The following DEFB135 variants were observed in gnomAD, a reference collection of about 807,000 sequenced individuals.
The protein encoded by DEFB135 is defensin beta 135, also known as beta-defensin 135.
Under a neutral mutation model 8.9 loss-of-function variants are expected in DEFB135, and 14 were observed. That is an observed-to-expected ratio of 1.58 (90% CI 1.04 to 2.47). The LOEUF (loss-of-function observed/expected upper bound fraction) is 2.47, where lower values mean the gene tolerates loss of function less well. DEFB135 is among the 30% of genes most tolerant of loss of function. The probability of loss-of-function intolerance (pLI) is 0.00; values close to 1 mark genes in which losing one functional copy is unlikely to be tolerated. For synonymous variants in DEFB135, 51 were observed against 34.5 expected (o/e 1.48, Z -1.67); for missense variants, 135 against 94.2 (o/e 1.43, Z -1.79).
Position 11,982,328 on chromosome 8 carries a change from CA to C in DEFB135, c.10del (p.Arg4GlyfsTer46), listed in dbSNP as rs757854541. On this transcript the variant is annotated frameshift_variant, in exon 1 of 2. Transcript: ENST00000382208. LOFTEE classifies it high-confidence loss of function. MA[T>X]RSVLLALVVL... ...GCTTCTTTGCTGATTGGTATGGCCA[CA>C]AGGAGCGTCCTCTTGGCCCTCGTGG... 1.9e-6 allele frequency: 3 copies of C among 1,614,052 alleles called. No homozygotes were observed. The highest frequency in any genetic ancestry group is 1.7e-5 in the Admixed American group (1 of 60,006).
chr8:11,983,457 T>C (rs958140753), intron 1 of DEFB135, among the ~76,000 whole-genome samples: 7 of 152,266 alleles, frequency 4.6e-5, no homozygotes, highest in East Asian at 3.9e-4. Flanking sequence ...GTTGAGATGA[T>C]GGCTGATGTC....
chr8:11,983,112 G>A (rs1407776196), intron 1 of DEFB135, among the ~76,000 whole-genome samples: 1 of 152,204 alleles, frequency 6.6e-6, no homozygotes, highest in East Asian at 1.9e-4. Context: ...ACAGATATGA[G>A]GCTGGGCGCG....
In DEFB135 at chr8:11,983,244, T is replaced by G. The variant is rs185029722; in HGVS notation, c.64+860T>G. ...ACCCGTCTCTACTAAAAATACAAAA[T>G]TAGCCGGGCATGGTGGCGCATGCCT... On this transcript the variant is annotated intron_variant, in intron 1 of 1. Coordinates refer to ENST00000382208, the MANE Select transcript of DEFB135 (RefSeq NM_001033017.3). Among the ~76,000 whole-genome samples the G allele has an allele frequency of 7.4e-3, 1,131 of 152,012 alleles. 11 individuals carry two copies. The highest frequency in any genetic ancestry group is 0.011 in the Non-Finnish European group (766 of 67,980).
At chr8:11,982,666 G>T (rs925406915) in intron 1 of DEFB135, among the ~76,000 whole-genome samples, 3 of 152,362 alleles carry the variant, frequency 2.0e-5, no homozygotes, top group Middle Eastern at 3.4e-3. Context: ...ACTGGCAGAA[G>T]TAGGGCAGAG....
At chr8:11,984,304 G>A (rs2150552583) in intron 1 of DEFB135, 117 bp from the exon 2 acceptor site, 1 of 790,962 alleles carries the variant, frequency 1.3e-6, no homozygotes, top group Admixed American at 3.4e-5. Flanking sequence ...GAGTATCTTT[G>A]ATCGCGTCTA....
intron 1 of DEFB135, 63 bp downstream of exon 1, chr8:11,982,447 T>G: frequency 1.3e-6 from 2 of 1,585,942 alleles, no homozygotes; most frequent in Non-Finnish European, 1.7e-6. Context: ...TGTGAGGTTC[T>G]ACAAGAGTGA....
chr8:11,984,294 G>C (rs1799806723), intron 1 of DEFB135, 127 bp from the exon 2 acceptor site: 2 of 700,480 alleles, frequency 2.9e-6, no homozygotes, highest in Non-Finnish European at 4.2e-6. Flanking sequence ...AAAATGTCTT[G>C]AGTATCTTTG....
At chr8:11,982,449 C>G in intron 1 of DEFB135, 65 bp downstream of exon 1, 3 of 1,582,090 alleles carry the variant, frequency 1.9e-6, no homozygotes, top group South Asian at 2.2e-5. Context: ...TGAGGTTCTA[C>G]AAGAGTGAGA....
chr8:11,984,340 T>C (rs561025362), intron 1 of DEFB135, 81 bp from the exon 2 acceptor site: 19 of 1,127,196 alleles, frequency 1.7e-5, no homozygotes, highest in East Asian at 5.5e-5. Context: ...GTGAAAACTA[T>C]GGTCTGAGGT....
Position 11,984,413 on chromosome 8 carries a change from C to T in DEFB135, c.65-8C>T. ...TAACTGTGCATTAACCTTTGTTTCT[C>T]TTGGCAGGTAGAAGTGGACCCAATG... is the stretch of plus-strand genomic sequence containing the variant. On this transcript the variant is annotated splice_polypyrimidine_tract_variant and splice_region_variant and intron_variant, in intron 1 of 1. Coordinates refer to ENST00000382208, the MANE Select transcript of DEFB135 (RefSeq NM_001033017.3). 6.6e-7 allele frequency: 1 copy of T among 1,521,438 alleles called. No homozygotes were observed. Among genetic ancestry groups the T allele is most frequent in the East Asian group, 2.3e-5 (1 of 43,078 alleles). 94.2% of individuals were successfully genotyped at this position (1,521,438 alleles called of 1,614,324 possible).
intron 1 of DEFB135, 118 bp from the exon 2 acceptor site, chr8:11,984,303 T>C: frequency 1.3e-6 from 1 of 787,740 alleles, no homozygotes. Context: ...TGAGTATCTT[T>C]GATCGCGTCT....
chr8:11,984,339 A>G lies in DEFB135; in HGVS notation c.65-82A>G, dbSNP rs148938498. 2.9e-3 allele frequency: 3,230 copies of G among 1,125,486 alleles called. 7 individuals carry two copies. Among genetic ancestry groups the G allele is most frequent in the Admixed American group, 3.9e-3 (134 of 34,510 alleles). 69.7% of individuals were successfully genotyped at this position (1,125,486 alleles called of 1,614,324 possible). A position where few individuals can be genotyped will look rare whatever the true frequency, so the allele number is the denominator to read the frequency against. On this transcript the variant is annotated intron_variant, in intron 1 of 1. Transcript: ENST00000382208. ...AATTCATTATTAAAAAGTGAAAACT[A>G]TGGTCTGAGGTCTAATTTTATCCAT... is the stretch of plus-strand genomic sequence containing the variant.
At chr8:11,984,307 C>T (rs552691028) in intron 1 of DEFB135, 114 bp from the exon 2 acceptor site, 42 of 795,206 alleles carry the variant, frequency 5.3e-5, no homozygotes, top group Non-Finnish European at 7.0e-5. Flanking sequence ...TATCTTTGAT[C>T]GCGTCTAATT....
chr8:11,984,550 G>A lies in DEFB135; in HGVS notation c.194G>A (p.Cys65Tyr), dbSNP rs1225912994. ...TTGTGTGATACTATACATTTGTGCTGTGTAAACCCAAAATATTTACCTATA... is the reference window on the plus strand; with the variant it reads ...TTGTGTGATACTATACATTTGTGCTATGTAAACCCAAAATATTTACCTATA... ...RILCDTIHLCCVNPKYLPILT... is the reference protein window; with the variant it reads ...RILCDTIHLCYVNPKYLPILT... Residue 65 changes from cysteine to tyrosine, a missense_variant, in exon 2 of 2, where the codon TGT (cysteine) becomes TAT (tyrosine). By Grantham distance (194) the Cys-to-Tyr change is radical (BLOSUM62 -2). Transcript: ENST00000382208. The A allele has an allele frequency of 6.5e-7, 1 of 1,547,362 alleles. No homozygotes were observed. The highest frequency in any genetic ancestry group is 8.8e-7 in the Non-Finnish European group (1 of 1,134,666).
At chr8:11,984,146 A>C (rs964726673) in intron 1 of DEFB135, among the ~76,000 whole-genome samples, 2 of 152,160 alleles carry the variant, frequency 1.3e-5, no homozygotes, top group African/African-American at 4.8e-5. Flanking sequence ...CAATAGTCTC[A>C]AGCTGAATAT....
rs7004833 is a variant in DEFB135, at chr8:11,982,502, A to G, written c.64+118A>G. On this transcript the variant is annotated intron_variant, in intron 1 of 1. Transcript: ENST00000382208. ...CAAAGGAAGCTGCAACAGGGAGGAAAGTGAGCAGAGATGGACATGCTGGGC... is the reference window on the plus strand; with the variant it reads ...CAAAGGAAGCTGCAACAGGGAGGAAGGTGAGCAGAGATGGACATGCTGGGC... 0.078 allele frequency: 86,577 copies of G among 1,108,822 alleles called. 7,896 individuals are homozygous for G. Among genetic ancestry groups the G allele is most frequent in the African/African-American group, 0.43 (27,961 of 65,302 alleles). 68.7% of individuals were successfully genotyped at this position (1,108,822 alleles called of 1,614,324 possible).
chr8:11,983,775 C>G (rs1447531867), intron 1 of DEFB135, among the ~76,000 whole-genome samples: 1 of 152,122 alleles, frequency 6.6e-6, no homozygotes, highest in Non-Finnish European at 1.5e-5. Flanking sequence ...TTTCCAGAGG[C>G]TCCCAGTTCT....
At position 11,982,355 on chromosome 8, in the gene DEFB135, T is replaced by C. The variant is rs756860694; in HGVS notation, c.35T>C (p.Val12Ala). The C allele has an allele frequency of 6.2e-7, 1 of 1,614,156 alleles. No individual in the cohort carries two copies. Among genetic ancestry groups the C allele is most frequent in the Non-Finnish European group, 8.5e-7 (1 of 1,180,034 alleles). The change falls in exon 1 of 2, where the codon GTC becomes GCC. Residue 12 changes from valine to alanine, a missense_variant. Coordinates refer to ENST00000382208, the MANE Select transcript of DEFB135 (RefSeq NM_001033017.3). ...AGGAGCGTCCTCTTGGCCCTCGTGG[T>C]CCTTAACTTACTCTTCTATGTTCCA... ...ATRSVLLALV[V>A]LNLLFYVPPG...
intron 1 of DEFB135, among the ~76,000 whole-genome samples, chr8:11,983,550 G>A (rs1799784150): frequency 6.6e-6 from 1 of 152,138 alleles, no homozygotes; most frequent in Non-Finnish European, 1.5e-5. Context: ...GGTCTAGGGA[G>A]CACATGGTGG....
Sources: gnomAD v4.1 joint callset for allele counts (sites outside exome capture counted in the v4.1 genomes callset) on GRCh38, gnomAD v4.1.1 for gene constraint, MANE v1.5 for transcripts, NCBI Gene and HGNC (gene_info 2026-07-23, HGNC 2026-07-21) for gene names.